Variants in CTNND2 observed in about 807,000 individuals in gnomAD.
The protein encoded by CTNND2 is catenin delta-2.
CTNND2 carries 22 observed loss-of-function variants against 144.4 expected under a neutral mutation model. The observed-to-expected ratio is 0.15, with a 90% CI of 0.11 to 0.22. The LOEUF is 0.22. CTNND2 is among the 10% of genes least tolerant of loss of function. CTNND2 has a pLI of 1.00. For synonymous variants in CTNND2, 751 were observed against 695.6 expected (o/e 1.08, Z -1.25); for missense variants, 1,353 against 1,618.8 (o/e 0.84, Z 2.82).
At chr5:11,469,807 T>C (rs2149951669) in intron 3 of CTNND2, among the ~76,000 whole-genome samples, 1 of 152,316 alleles carries the variant, frequency 6.6e-6, no homozygotes, top group Middle Eastern at 3.4e-3. Context: ...CGTAGATTTT[T>C]CCCTCCTCTC....
intron 2 of CTNND2, among the ~76,000 whole-genome samples, chr5:11,634,547 G>C (rs1339106624): frequency 1.3e-5 from 2 of 152,092 alleles, no homozygotes; most frequent in Non-Finnish European, 2.9e-5. Context: ...TTAAAAACCG[G>C]GGTTCTCAAT....
chr5:11,745,402 A>G (rs1309230461), intron 1 of CTNND2, among the ~76,000 whole-genome samples: 1 of 152,160 alleles, frequency 6.6e-6, no homozygotes, highest in Non-Finnish European at 1.5e-5. Flanking sequence ...ATGAGGCTGA[A>G]GGCCACTGGC....
At chr5:11,693,053 A>G (rs945780900) in intron 2 of CTNND2, among the ~76,000 whole-genome samples, 5 of 152,250 alleles carry the variant, frequency 3.3e-5, no homozygotes, top group Non-Finnish European at 5.9e-5. Flanking sequence ...TATATTATAC[A>G]TATAAATTCA....
intron 3 of CTNND2, among the ~76,000 whole-genome samples, chr5:11,466,915 A>G (rs1014828023): frequency 4.6e-5 from 7 of 152,208 alleles, no homozygotes; most frequent in African/African-American, 1.2e-4. Context: ...CACAGGTGCA[A>G]TTCACCATGA....
At chr5:11,877,733 TC>T (rs2127064708) in intron 1 of CTNND2, among the ~76,000 whole-genome samples, 1 of 152,090 alleles carries the variant, frequency 6.6e-6, no homozygotes, top group East Asian at 1.9e-4. Flanking sequence ...ATCATCATCA[TC>T]ATCATCATCA....
Position 11,903,771 on chromosome 5 carries a change from G to T in CTNND2, c.37+46C>A. The T allele has an allele frequency of 4.8e-6, 7 of 1,465,842 alleles. No homozygotes were observed. The highest frequency in any genetic ancestry group is 6.3e-6 in the Non-Finnish European group (7 of 1,113,656). The allele number at this position is 1,465,842 out of a possible 1,614,324, so 90.8% of individuals were successfully genotyped here. On this transcript the variant is annotated intron_variant, in intron 1 of 21. Transcript: ENST00000304623. The surrounding 1 kb of genome is among the most constrained non-coding windows in gnomAD (Gnocchi z 5.4). ...GCGGCAAGAGGAGGAGGACGGCGCCGGGAGGAGGCTGCGCCCGGCCCCGGC... is the reference window on the plus strand; with the variant it reads ...GCGGCAAGAGGAGGAGGACGGCGCCTGGAGGAGGCTGCGCCCGGCCCCGGC...
At chr5:11,459,572 C>T (rs1345359820) in intron 3 of CTNND2, among the ~76,000 whole-genome samples, 2 of 152,158 alleles carry the variant, frequency 1.3e-5, no homozygotes, top group Admixed American at 1.3e-4. Flanking sequence ...CTGCTAAGTA[C>T]GTCTGTTCTA....
chr5:10,994,365 A>T (rs1312396220), intron 18 of CTNND2, among the ~76,000 whole-genome samples: 2 of 24,152 alleles, frequency 8.3e-5, no homozygotes, highest in Non-Finnish European at 1.6e-4. Context: ...GGGGCGGGGA[A>T]GGAGGAAGGG....
intron 10 of CTNND2, among the ~76,000 whole-genome samples, chr5:11,228,765 C>T (rs1262526427): frequency 6.6e-6 from 1 of 152,116 alleles, no homozygotes. Context: ...CAGGCATGAG[C>T]CACCACACCC....
At chr5:11,643,701 A>T (rs1782192197) in intron 2 of CTNND2, among the ~76,000 whole-genome samples, 1 of 152,080 alleles carries the variant, frequency 6.6e-6, no homozygotes, top group Non-Finnish European at 1.5e-5. Flanking sequence ...AATTTATTAA[A>T]CTTTAATGGG....
intron 1 of CTNND2, among the ~76,000 whole-genome samples, chr5:11,804,423 T>C (rs1791883059): frequency 6.6e-6 from 1 of 152,184 alleles, no homozygotes. Flanking sequence ...AGTAGTTTTA[T>C]TCATTACTGC....
chr5:11,445,158 T>C (rs1764690405), intron 3 of CTNND2, among the ~76,000 whole-genome samples: 1 of 152,164 alleles, frequency 6.6e-6, no homozygotes, highest in Non-Finnish European at 1.5e-5. Context: ...ATCTTTCCTT[T>C]TCCCTGCTGG....
intron 2 of CTNND2, among the ~76,000 whole-genome samples, chr5:11,721,038 C>T (rs1222578325): frequency 6.6e-6 from 1 of 152,078 alleles, no homozygotes; most frequent in Non-Finnish European, 1.5e-5. Context: ...ACACTATTCC[C>T]AATAGACAAC....
chr5:11,438,139 TG>T (rs1159062661), intron 3 of CTNND2, among the ~76,000 whole-genome samples: 14 of 152,322 alleles, frequency 9.2e-5, no homozygotes, highest in African/African-American at 3.1e-4. Flanking sequence ...TATTGTGGAC[TG>T]GATATAGAAA....
intron 12 of CTNND2, among the ~76,000 whole-genome samples, chr5:11,119,927 A>C (rs999910595): frequency 1.3e-5 from 2 of 152,214 alleles, no homozygotes; most frequent in African/African-American, 4.8e-5. Context: ...ATTCACCAAT[A>C]AACTTCCTAA....
Position 11,070,910 on chromosome 5 carries a change from G to A in CTNND2, c.2788+11786C>T, listed in dbSNP as rs75117733. On this transcript the variant is annotated intron_variant, in intron 16 of 21. Coordinates refer to ENST00000304623, the MANE Select transcript of CTNND2 (RefSeq NM_001332.4). ...TGAAGAGGACGTGAAATAAAATGGA[G>A]GAGAGGTCTTAGATATAGTGTGTAT... 5.4e-3 allele frequency among the ~76,000 whole-genome samples: 820 copies of A among 152,016 alleles called. 11 individuals carry two copies. The highest frequency in any genetic ancestry group is 0.017 in the African/African-American group (710 of 41,432).
chr5:11,832,828 C>T (rs1222447480), intron 1 of CTNND2, among the ~76,000 whole-genome samples: 1 of 152,086 alleles, frequency 6.6e-6, no homozygotes, highest in Non-Finnish European at 1.5e-5. Flanking sequence ...GTAGTTCCTG[C>T]TACTCAGGAG....
At chr5:11,035,827 G>C (rs1363527014) in intron 16 of CTNND2, among the ~76,000 whole-genome samples, 1 of 147,162 alleles carries the variant, frequency 6.8e-6, no homozygotes, top group African/African-American at 2.5e-5. Context: ...ATTTGTCTTG[G>C]TTTATAATGC....
intron 9 of CTNND2, among the ~76,000 whole-genome samples, chr5:11,303,239 G>A (rs547660478): frequency 6.2e-4 from 95 of 152,294 alleles, no homozygotes; most frequent in African/African-American, 2.1e-3. Context: ...AGTCTCTGAT[G>A]AGAAAAAGAC....
Sources: gnomAD v4.1 joint callset for allele counts (sites outside exome capture counted in the v4.1 genomes callset) on GRCh38, gnomAD v4.1.1 for gene constraint, Gnocchi (gnomAD v3.1) non-coding constraint, MANE v1.5 for transcripts, NCBI Gene and HGNC (gene_info 2026-07-23, HGNC 2026-07-21) for gene names.